CNFN: variants seen among roughly 807,000 people sequenced by gnomAD.
The protein encoded by CNFN is cornifelin.
A neutral mutation model predicts 14.9 loss-of-function variants in CNFN; 10 were observed. The ratio of observed to expected loss-of-function variants is 0.67; its 90% CI spans 0.41 to 1.14. CNFN has a LOEUF of 1.14. CNFN is among the 50% of genes most tolerant of loss of function. CNFN has a pLI of 0.00. For missense variants in CNFN, 165 were observed against 152.8 expected (o/e 1.08, Z -0.42); for synonymous variants, 66 against 60.0 (o/e 1.10, Z -0.46).
intron 1 of CNFN, among the ~76,000 whole-genome samples, chr19:42,389,316 C>A (rs894082497): frequency 6.6e-6 from 1 of 152,228 alleles, no homozygotes; most frequent in Non-Finnish European, 1.5e-5. Context: ...CTGGGTGGGG[C>A]CTGGCGGTGC....
At chr19:42,387,621 G>C (rs891732642) in intron 2 of CNFN, 145 bp from the exon 3 acceptor site, 8 of 543,216 alleles carry the variant, frequency 1.5e-5, no homozygotes, top group Non-Finnish European at 2.5e-5. Context: ...GAGGTCCGAG[G>C]AGAGGATGGC....
chr19:42,387,532 C>A, intron 2 of CNFN, 56 bp from the exon 3 acceptor site: 1 of 1,396,764 alleles, frequency 7.2e-7, no homozygotes, highest in South Asian at 1.5e-5. Context: ...CCGACGGCTC[C>A]GCCCCGGGGG....
intron 2 of CNFN, 94 bp from the exon 3 acceptor site, chr19:42,387,570 C>A: frequency 1.1e-6 from 1 of 880,466 alleles, no homozygotes; most frequent in South Asian, 1.8e-5. Flanking sequence ...CGCGGAGGGG[C>A]ATTGAGGGTC....
At chr19:42,389,722 G>A (rs530310004) in intron 1 of CNFN, among the ~76,000 whole-genome samples, 23 of 152,338 alleles carry the variant, frequency 1.5e-4, no homozygotes, top group African/African-American at 5.3e-4. Flanking sequence ...ACATGGAATA[G>A]GGAATGGATA....
At chr19:42,389,386 G>T in intron 1 of CNFN, 2 of 1,010,088 alleles carry the variant, frequency 2.0e-6, no homozygotes, top group Non-Finnish European at 2.7e-6. Context: ...GGGCCTCTGG[G>T]GTGGAAGCAG....
At chr19:42,388,883 C>T (rs1256549715) in intron 2 of CNFN, 43 bp downstream of exon 2, 1 of 1,465,578 alleles carries the variant, frequency 6.8e-7, no homozygotes. Context: ...CCCCCCAAAC[C>T]CATCTTCCAC....
At chr19:42,389,320 G>A (rs1180017964) in intron 1 of CNFN, among the ~76,000 whole-genome samples, 1 of 152,218 alleles carries the variant, frequency 6.6e-6, no homozygotes, top group Admixed American at 6.5e-5. Flanking sequence ...GTGGGGCCTG[G>A]CGGTGCCGCC....
At chr19:42,388,598 G>T (rs1290679381) in intron 2 of CNFN, among the ~76,000 whole-genome samples, 2 of 152,112 alleles carry the variant, frequency 1.3e-5, no homozygotes, top group South Asian at 4.1e-4. Flanking sequence ...CTCCCAAAGT[G>T]TTGGGATTAC....
chr19:42,388,800 C>T (rs2147532569), intron 2 of CNFN, 126 bp downstream of exon 2: 1 of 651,240 alleles, frequency 1.5e-6, no homozygotes, highest in Middle Eastern at 2.5e-4. Context: ...AATTCCAAGT[C>T]CAGGGAAGGG....
At chr19:42,390,036 G>A (rs2039886584) in intron 1 of CNFN, among the ~76,000 whole-genome samples, 1 of 152,220 alleles carries the variant, frequency 6.6e-6, no homozygotes, top group Non-Finnish European at 1.5e-5. Context: ...GTGATGCTGG[G>A]CCCCAAGACT....
At chr19:42,388,138 C>T (rs1296738034) in intron 2 of CNFN, among the ~76,000 whole-genome samples, 1 of 151,992 alleles carries the variant, frequency 6.6e-6, no homozygotes, top group Non-Finnish European at 1.5e-5. Context: ...CCTCCCGCCT[C>T]GGCCTCCCGA....
At chr19:42,389,652 GCTCTCA>G in intron 1 of CNFN, 2 of 390,640 alleles carry the variant, frequency 5.1e-6, no homozygotes, top group African/African-American at 2.2e-5. Context: ...TGGGGGCTGG[GCTCTCA>G]GGGGGAGGGG....
In CNFN at chr19:42,387,426, C is replaced by A; in HGVS notation, c.163G>T (p.Asp55Tyr). 1 of 1,601,570 alleles carries A rather than the reference C, an allele frequency of 6.2e-7. No homozygotes were observed. Among genetic ancestry groups the A allele is most frequent in the East Asian group, 2.3e-5 (1 of 44,192 alleles). Reference protein sequence around the residue: ...PLCLACRISDDFGECCCAPYL... With the variant: ...PLCLACRISDYFGECCCAPYL... ...GGCGCGCAGCAGCACTCGCCAAAGTCGTCGGAGATGCGGCAGGCAAGGCAC... is the reference window on the plus strand; with the variant it reads ...GGCGCGCAGCAGCACTCGCCAAAGTAGTCGGAGATGCGGCAGGCAAGGCAC... Residue 55 changes from aspartate (D) to tyrosine (Y), a missense_variant, in exon 3 of 4, where the codon GAC becomes TAC. Transcript: ENST00000222032.
intron 2 of CNFN, 53 bp downstream of exon 2, chr19:42,388,873 C>T: frequency 3.0e-6 from 4 of 1,350,510 alleles, no homozygotes; most frequent in South Asian, 2.5e-5. Context: ...TCTCCTGATT[C>T]CCCCCAAACC....
At chr19:42,388,858 T>A in intron 2 of CNFN, 68 bp downstream of exon 2, 1 of 1,168,700 alleles carries the variant, frequency 8.6e-7, no homozygotes, top group Non-Finnish European at 1.2e-6. Flanking sequence ...GGAGGTGAGC[T>A]TCCCTCTCCT....
chr19:42,388,977 G>T lies in CNFN; in HGVS notation c.61C>A (p.Leu21Ile), dbSNP rs1363380642. ...CATTSCYQTQLSDWHTGLTDC... is the reference protein window; with the variant it reads ...CATTSCYQTQISDWHTGLTDC... ...GTGAGACCTGTGTGCCAGTCACTGA[G>T]CTGGGTCTGGTAGCAGCTGGTGGTG... Residue 21 changes from leucine (L) to isoleucine (I), a missense_variant, in exon 2 of 4, where the codon CTC becomes ATC. Transcript: ENST00000222032. The T allele has an allele frequency of 4.3e-6, 7 of 1,613,874 alleles. No individual in the cohort carries two copies. Among genetic ancestry groups the T allele is most frequent in the African/African-American group, 4.0e-5 (3 of 74,936 alleles).
chr19:42,387,580 C>T (rs1175034484), intron 2 of CNFN, 104 bp from the exon 3 acceptor site: 1 of 803,710 alleles, frequency 1.2e-6, no homozygotes, highest in Admixed American at 2.9e-5. Context: ...CATTGAGGGT[C>T]CCAGCCAAGG....
At chr19:42,389,297 G>A (rs1214689407) in intron 1 of CNFN, among the ~76,000 whole-genome samples, 1 of 152,232 alleles carries the variant, frequency 6.6e-6, no homozygotes, top group African/African-American at 2.4e-5. Flanking sequence ...GGAAGGGTGG[G>A]GACCACATCT....
Position 42,387,517 on chromosome 19 carries a change from G to A in CNFN, c.113-41C>T, listed in dbSNP as rs538896941. 3.1e-4 allele frequency: 468 copies of A among 1,487,774 alleles called. 3 individuals carry two copies. The South Asian group carries it at 4.7e-3, about 15-fold the overall frequency. 92.2% of individuals were successfully genotyped at this position (1,487,774 alleles called of 1,614,324 possible). On this transcript the variant is annotated intron_variant, in intron 2 of 3. Transcript: ENST00000222032. ...GCGCTCAGGGGCGGGGCCAGCCGGG[G>A]CCTCCCGACGGCTCCGCCCCGGGGG...
Sources: allele counts gnomAD v4.1 joint callset (sites outside exome capture counted in the v4.1 genomes callset), GRCh38; gene constraint gnomAD v4.1.1; transcripts MANE v1.5; gene names NCBI Gene and HGNC (gene_info 2026-07-23, HGNC 2026-07-21).